Variants in PAX5 observed in about 807,000 individuals in gnomAD.
PAX5 encodes paired box protein Pax-5.
In PAX5, 9 loss-of-function variants were observed where a neutral mutation model predicts 43.7. The observed-to-expected ratio is 0.21, with a 90% CI of 0.12 to 0.36. The LOEUF (loss-of-function observed/expected upper bound fraction) is 0.36. Ranked by LOEUF, PAX5 falls within the 10% of genes least tolerant of loss-of-function variation. PAX5 has a pLI of 1.00. For missense variants in PAX5, 383 were observed against 532.7 expected, an observed-to-expected ratio of 0.72 and a Z score of 2.77; for synonymous variants, 228 against 214.3, an observed-to-expected ratio of 1.06 and a Z score of -0.56.
At chr9:36,855,195 A>G (rs1823545996) in intron 8 of PAX5, among the ~76,000 whole-genome samples, 1 of 152,248 alleles carries the variant, frequency 6.6e-6, no homozygotes, top group African/African-American at 2.4e-5. Flanking sequence ...CACAGGCAAG[A>G]GCTGGGGGCC....
chr9:36,836,466 C>T lies in PAX5; in HGVS notation c.*4094G>A, dbSNP rs369051736. ...GGCATTGGGGCTCACAGGCTGGTGC[C>T]CAGTGGGTCAAGTTTGGCCCATGGA... On this transcript the variant is annotated 3_prime_UTR_variant, in exon 10 of 10. Coordinates refer to ENST00000358127, the MANE Select transcript of PAX5 (RefSeq NM_016734.3). 3 of 233,282 alleles carry T rather than the reference C, an allele frequency of 1.3e-5. No homozygotes were observed. In the East Asian group the frequency reaches 1.8e-4, roughly 14 times the overall value. 14.5% of individuals were successfully genotyped at this position (233,282 alleles called of 1,614,324 possible). A position where few individuals can be genotyped will look rare whatever the true frequency, so the allele number is the denominator to read the frequency against.
intron 1 of PAX5, among the ~76,000 whole-genome samples, chr9:37,026,003 A>T (rs3824345): frequency 0.39 from 58,724 of 151,750 alleles, 11,638 homozygotes; most frequent in South Asian, 0.51. Flanking sequence ...CCCCTCCTCA[A>T]CTCCAGGACG....
In PAX5 at chr9:36,986,153, G is replaced by GC. The variant is rs959430926; in HGVS notation, c.604+16494dup. ...AGCTCCCGGCTGCCGCCGCGCCCGC[G>GC]CCCCCCGGGGCCCCGGAAAGCTGGC... On this transcript the variant is annotated intron_variant, in intron 5 of 9. Transcript: ENST00000358127. 4.0e-3 allele frequency among the ~76,000 whole-genome samples: 613 copies of GC among 151,688 alleles called. 2 individuals carry two copies. The highest frequency in any genetic ancestry group is 4.7e-3 in the Non-Finnish European group (322 of 67,862).
intron 2 of PAX5, 107 bp downstream of exon 2, chr9:37,020,529 A>C: frequency 8.3e-7 from 1 of 1,198,090 alleles, no homozygotes; most frequent in Admixed American, 2.0e-5. Flanking sequence ...GTGAAACAAA[A>C]TGCCACCATG....
intron 1 of PAX5, among the ~76,000 whole-genome samples, chr9:37,023,669 C>T (rs1201129651): frequency 1.3e-5 from 2 of 152,122 alleles, no homozygotes; most frequent in Non-Finnish European, 2.9e-5. Flanking sequence ...CACCACAGGC[C>T]CTCCCAATAC....
intron 7 of PAX5, among the ~76,000 whole-genome samples, chr9:36,898,264 G>GCCCAT (rs2131845097): frequency 6.6e-6 from 1 of 152,312 alleles, no homozygotes; most frequent in Middle Eastern, 3.4e-3. Context: ...TGCCAGCCCA[G>GCCCAT]CCCAGCCAAC....
At chr9:36,940,481 G>A (rs78916402) in intron 6 of PAX5, among the ~76,000 whole-genome samples, 3,798 of 152,208 alleles carry the variant, frequency 0.025, 135 homozygotes, top group African/African-American at 0.085. Flanking sequence ...TTTTAAAGAC[G>A]TGTGGCGCAG....
chr9:36,929,082 A>G (rs1830893930), intron 6 of PAX5, among the ~76,000 whole-genome samples: 1 of 152,096 alleles, frequency 6.6e-6, no homozygotes, highest in South Asian at 2.1e-4. Flanking sequence ...CCTTTTCTCT[A>G]TGTAATTTCT....
intron 6 of PAX5, among the ~76,000 whole-genome samples, chr9:36,954,035 G>C (rs1199864784): frequency 6.6e-6 from 1 of 152,114 alleles, no homozygotes; most frequent in Non-Finnish European, 1.5e-5. Flanking sequence ...TCATGCCACT[G>C]TACTCCAGCT....
At chr9:36,935,290 G>A (rs1199114758) in intron 6 of PAX5, among the ~76,000 whole-genome samples, 1 of 152,178 alleles carries the variant, frequency 6.6e-6, no homozygotes, top group Admixed American at 6.5e-5. Context: ...TGAGGCAGGA[G>A]AATTGCTTGA....
At chr9:36,999,280 C>T (rs1459149737) in intron 5 of PAX5, among the ~76,000 whole-genome samples, 1 of 152,218 alleles carries the variant, frequency 6.6e-6, no homozygotes, top group African/African-American at 2.4e-5. Flanking sequence ...AATGCCCTCT[C>T]CTCCCTTTAC....
At chr9:36,865,657 G>A (rs1824800607) in intron 8 of PAX5, among the ~76,000 whole-genome samples, 1 of 152,230 alleles carries the variant, frequency 6.6e-6, no homozygotes, top group South Asian at 2.1e-4. Flanking sequence ...CTCACTGGTG[G>A]TATAATTAAT....
chr9:36,953,947 C>T (rs7873632), intron 6 of PAX5, among the ~76,000 whole-genome samples: 110,043 of 151,866 alleles, frequency 0.72, 40,298 homozygotes, highest in South Asian at 0.83. Context: ...GTGGTGCTGC[C>T]TGTAGTCCCA....
chr9:36,983,467 C>T (rs1010452310), intron 5 of PAX5, among the ~76,000 whole-genome samples: 13 of 152,144 alleles, frequency 8.5e-5, no homozygotes, highest in African/African-American at 3.1e-4. Context: ...TTTTACTTTT[C>T]TTTCCCCTTT....
chr9:36,947,198 A>T (rs1057162059), intron 6 of PAX5, among the ~76,000 whole-genome samples: 1 of 152,186 alleles, frequency 6.6e-6, no homozygotes, highest in African/African-American at 2.4e-5. Context: ...AGGCAGCACC[A>T]TCAGGCCCAT....
At chr9:36,934,762 C>T (rs1162765131) in intron 6 of PAX5, among the ~76,000 whole-genome samples, 1 of 152,126 alleles carries the variant, frequency 6.6e-6, no homozygotes, top group Non-Finnish European at 1.5e-5. Context: ...CTGCATTATA[C>T]ATTTAACTGT....
chr9:36,868,901 G>T (rs975154230), intron 8 of PAX5, among the ~76,000 whole-genome samples: 1 of 152,150 alleles, frequency 6.6e-6, no homozygotes, highest in African/African-American at 2.4e-5. Flanking sequence ...GCTAACAGCT[G>T]TGTGTCCCTT....
At chr9:36,981,633 C>G (rs888805228) in intron 5 of PAX5, among the ~76,000 whole-genome samples, 15 of 152,196 alleles carry the variant, frequency 9.9e-5, no homozygotes, top group African/African-American at 3.6e-4. Context: ...GCCTTACCTA[C>G]CTCTGAGACC....
intron 8 of PAX5, among the ~76,000 whole-genome samples, chr9:36,853,585 C>G (rs1823366586): frequency 6.6e-6 from 1 of 152,178 alleles, no homozygotes; most frequent in Non-Finnish European, 1.5e-5. Flanking sequence ...TATGCTGTTT[C>G]CTCAAAGACA....
Sources: allele counts gnomAD v4.1 joint callset (sites outside exome capture counted in the v4.1 genomes callset), GRCh38; gene constraint gnomAD v4.1.1; transcripts MANE v1.5; gene names NCBI Gene and HGNC (gene_info 2026-07-23, HGNC 2026-07-21).